PPP3CC: variants seen among roughly 807,000 people sequenced by gnomAD.
The protein encoded by PPP3CC is serine/threonine-protein phosphatase 2B catalytic subunit gamma isoform.
PPP3CC carries 35 observed loss-of-function variants against 60.3 expected under a neutral mutation model. The ratio of observed to expected loss-of-function variants is 0.58; its 90% CI spans 0.44 to 0.77. PPP3CC has a LOEUF of 0.77. Among genes scored for constraint, PPP3CC ranks in the 30% least tolerant of loss-of-function variants. The probability of loss-of-function intolerance (pLI) is 0.00; values close to 1 mark genes in which losing one functional copy is unlikely to be tolerated. For missense variants in PPP3CC, 570 were observed against 628.9 expected (o/e 0.91, Z 1.00); for synonymous variants, 206 against 224.3 (o/e 0.92, Z 0.73).
chr8:22,453,386 C>T (rs756282812), intron 1 of PPP3CC, among the ~76,000 whole-genome samples: 3 of 152,114 alleles, frequency 2.0e-5, no homozygotes, highest in Non-Finnish European at 4.4e-5. Flanking sequence ...ACAAATGCAT[C>T]CTTAGGCGAT....
At chr8:22,462,625 C>T (rs7001493) in intron 1 of PPP3CC, among the ~76,000 whole-genome samples, 5,848 of 150,034 alleles carry the variant, frequency 0.039, 360 homozygotes, top group African/African-American at 0.14. Context: ...GGCTGGAGTG[C>T]GGTGGCACGA....
At chr8:22,515,968 T>C (rs546394176) in intron 6 of PPP3CC, among the ~76,000 whole-genome samples, 202 of 150,790 alleles carry the variant, frequency 1.3e-3, no homozygotes, top group Non-Finnish European at 2.3e-3. Context: ...AGACAAGGTC[T>C]CTCTTTGTTA....
rs775499660 is a variant in PPP3CC at position 22,511,046 on chromosome 8, G to A, written c.485-40G>A. Reference sequence around the variant, plus strand: ...CTATATCCTTTTTCAAATGTGATACGTTTTAGTTCTTCCATTGACTGGTTT... The same window carrying A: ...CTATATCCTTTTTCAAATGTGATACATTTTAGTTCTTCCATTGACTGGTTT... On this transcript the variant is annotated intron_variant, in intron 4 of 13. Coordinates refer to ENST00000240139, the MANE Select transcript of PPP3CC (RefSeq NM_005605.5). 121 of 1,601,974 alleles carry A rather than the reference G, an allele frequency of 7.6e-5. No homozygotes were observed. In the Middle Eastern group the frequency reaches 3.8e-3, roughly 50 times the overall value.
intron 1 of PPP3CC, among the ~76,000 whole-genome samples, chr8:22,448,631 C>A (rs7823311): frequency 6.6e-6 from 1 of 151,744 alleles, no homozygotes; most frequent in African/African-American, 2.4e-5. Context: ...TGCCCACCTC[C>A]GCCTCCCAAA....
At chr8:22,463,503 T>C (rs1040374156) in intron 1 of PPP3CC, among the ~76,000 whole-genome samples, 1 of 152,208 alleles carries the variant, frequency 6.6e-6, no homozygotes, top group African/African-American at 2.4e-5. Context: ...ATCATGGGAC[T>C]ATAGGCTTTA....
intron 12 of PPP3CC, among the ~76,000 whole-genome samples, chr8:22,535,883 C>T (rs762844571): frequency 2.6e-5 from 4 of 152,194 alleles, no homozygotes; most frequent in Admixed American, 6.5e-5. Flanking sequence ...AGGCGTACAC[C>T]GCCATGCCCG....
chr8:22,530,809 C>G (rs1162725405), intron 10 of PPP3CC, among the ~76,000 whole-genome samples: 1 of 108,526 alleles, frequency 9.2e-6, no homozygotes, highest in Admixed American at 1.4e-4. Flanking sequence ...TCCAGCCTGG[C>G]GACAGAGCGA....
intron 8 of PPP3CC, among the ~76,000 whole-genome samples, chr8:22,526,373 G>A (rs1210474463): frequency 1.3e-5 from 2 of 152,112 alleles, no homozygotes; most frequent in Admixed American, 6.6e-5. Flanking sequence ...GTTGAATAAT[G>A]ATATATGACA....
rs139661722 is a variant in PPP3CC at position 22,468,124 on chromosome 8, G to A, written c.50-6830G>A. Among the ~76,000 whole-genome samples the A allele has an allele frequency of 3.1e-3, 473 of 151,896 alleles. 3 individuals are homozygous for A. Among genetic ancestry groups the A allele is most frequent in the African/African-American group, 0.011 (448 of 41,432 alleles). On this transcript the variant is annotated intron_variant, in intron 1 of 13. Transcript: ENST00000240139. ...GTCATTCTTTTTTTTGTTTTTTTGA[G>A]GCAGAGTCTTGCTCTGTCGCCCAGG...
chr8:22,525,359 A>T (rs1839511457), intron 8 of PPP3CC, among the ~76,000 whole-genome samples: 2 of 152,042 alleles, frequency 1.3e-5, no homozygotes, highest in African/African-American at 4.8e-5. Flanking sequence ...TTCTTTTCTG[A>T]AAAAGGGAAC....
At chr8:22,519,012 A>G (rs1330712507) in intron 6 of PPP3CC, among the ~76,000 whole-genome samples, 2 of 151,964 alleles carry the variant, frequency 1.3e-5, no homozygotes, top group Admixed American at 1.3e-4. Flanking sequence ...TATTACTGTC[A>G]ATGTTTGCCT....
intron 4 of PPP3CC, among the ~76,000 whole-genome samples, chr8:22,506,524 C>T (rs535007427): frequency 1.3e-5 from 2 of 152,266 alleles, no homozygotes; most frequent in African/African-American, 4.8e-5. Context: ...AGAGAAGAAA[C>T]ATATATGTCT....
intron 1 of PPP3CC, among the ~76,000 whole-genome samples, chr8:22,450,799 T>TTTTA (rs199665510): frequency 0.085 from 11,258 of 133,166 alleles, 553 homozygotes; most frequent in East Asian, 0.17. Context: ...CCTACTTTAT[T>TTTTA]TTTATTTATT....
At chr8:22,474,429 C>T (rs569416932) in intron 1 of PPP3CC, among the ~76,000 whole-genome samples, 4 of 151,960 alleles carry the variant, frequency 2.6e-5, no homozygotes, top group African/African-American at 9.6e-5. Flanking sequence ...TAGGGCTGGG[C>T]GCAGTGGCTC....
At chr8:22,498,547 G>A (rs753750974) in intron 4 of PPP3CC, among the ~76,000 whole-genome samples, 2 of 152,082 alleles carry the variant, frequency 1.3e-5, no homozygotes, top group Non-Finnish European at 2.9e-5. Context: ...TTATTATTAT[G>A]AAATAGTTCA....
intron 4 of PPP3CC, among the ~76,000 whole-genome samples, chr8:22,503,422 A>T (rs1396978482): frequency 6.6e-6 from 1 of 152,182 alleles, no homozygotes; most frequent in Non-Finnish European, 1.5e-5. Flanking sequence ...TTAGGAGTAG[A>T]TACGTAGTGA....
At chr8:22,489,480 A>G (rs942473671) in intron 3 of PPP3CC, among the ~76,000 whole-genome samples, 6 of 150,494 alleles carry the variant, frequency 4.0e-5, no homozygotes, top group African/African-American at 9.8e-5. Flanking sequence ...CAGATTGTCA[A>G]CAGTGCCTGT....
chr8:22,450,105 G>A (rs1037767596), intron 1 of PPP3CC, among the ~76,000 whole-genome samples: 3 of 152,000 alleles, frequency 2.0e-5, no homozygotes, highest in Non-Finnish European at 4.4e-5. Context: ...TCCTGACCTT[G>A]TGATCTGCCC....
chr8:22,510,434 T>C (rs1458113572), intron 4 of PPP3CC, among the ~76,000 whole-genome samples: 8 of 152,210 alleles, frequency 5.3e-5, no homozygotes, highest in Admixed American at 2.0e-4. Flanking sequence ...TTTCCACTTA[T>C]ATATCTTCAA....
Sources: allele counts gnomAD v4.1 joint callset (sites outside exome capture counted in the v4.1 genomes callset), GRCh38; gene constraint gnomAD v4.1.1; transcripts MANE v1.5; gene names NCBI Gene and HGNC (gene_info 2026-07-23, HGNC 2026-07-21).